The following LAMA1 variants were observed in gnomAD, a reference collection of about 807,000 sequenced individuals.
LAMA1 encodes laminin subunit alpha 1.
Under a neutral mutation model 348.7 loss-of-function variants are expected in LAMA1, and 219 were observed. The observed-to-expected ratio is 0.63, with a 90% confidence interval of 0.56 to 0.70. LAMA1 has a LOEUF of 0.70. Ranked by LOEUF, LAMA1 falls within the 30% of genes least tolerant of loss-of-function variation. LAMA1 has a pLI of 0.00. For missense variants in LAMA1, 3,744 were observed against 3,888.0 expected (o/e 0.96, Z 0.99); for synonymous variants, 1,487 against 1,491.0 (o/e 1.00, Z 0.06).
In LAMA1 at chr18:6,985,568, C is replaced by T. The variant is rs746783330; in HGVS notation, c.5455G>A (p.Ala1819Thr). The stretch of plus-strand genomic sequence containing the variant: ...ACAGCATCTGTTTGTGCAGCAGCAG[C>T]ATCTATCAATCCTCTTCCTTGGACA... ...LIVQGRGLID[A>T]AAAQTDAVQD... is the part of the protein sequence containing the mutation. The change falls in exon 38 of 63, where the codon GCT (alanine) becomes ACT (threonine). Residue 1819 changes from alanine to threonine, a missense_variant. By Grantham distance (58) the Ala-to-Thr change is moderately conservative (BLOSUM62 0). Around this residue, in one of 3 missense-constraint regions of LAMA1, gnomAD observed 1,983 missense variants for 1,934.3 expected, o/e 1.03. Transcript: ENST00000389658. The T allele has an allele frequency of 6.2e-7, 1 of 1,614,150 alleles. No individual in the cohort carries two copies. The highest frequency in any genetic ancestry group is 1.1e-5 in the South Asian group (1 of 91,080).
chr18:7,117,588 G>A, intron 1 of LAMA1, 72 bp downstream of exon 1: 1 of 1,510,496 alleles, frequency 6.6e-7, no homozygotes, highest in Non-Finnish European at 9.0e-7. Flanking sequence ...CAACGCGACG[G>A]GCTTTGTCCG....
chr18:6,972,053 A>G (rs1166219704), intron 47 of LAMA1, 72 bp from the exon 48 acceptor site: 1 of 1,581,012 alleles, frequency 6.3e-7, no homozygotes, highest in African/African-American at 1.3e-5. Context: ...CCAAGTGCAC[A>G]AAACTTCTCT....
intron 3 of LAMA1, among the ~76,000 whole-genome samples, chr18:7,067,472 A>G (rs2058127288): frequency 2.0e-5 from 1 of 49,088 alleles, no homozygotes; most frequent in African/African-American, 1.2e-4. Flanking sequence ...TCCAAAGTGA[A>G]AAAAAAAAAA....
At chr18:7,041,321 A>G (rs950874967) in intron 9 of LAMA1, among the ~76,000 whole-genome samples, 6 of 152,186 alleles carry the variant, frequency 3.9e-5, no homozygotes, top group Middle Eastern at 3.2e-3. Flanking sequence ...TTTAAATGAT[A>G]TATTTTTTTA....
chr18:7,051,711 T>C (rs1352788355), intron 3 of LAMA1, among the ~76,000 whole-genome samples: 1 of 152,122 alleles, frequency 6.6e-6, no homozygotes, highest in African/African-American at 2.4e-5. Context: ...ACATCTAAAA[T>C]TGAGAAAAAA....
intron 19 of LAMA1, among the ~76,000 whole-genome samples, chr18:7,019,577 G>A (rs571539595): frequency 1.3e-4 from 19 of 151,714 alleles, no homozygotes; most frequent in African/African-American, 4.1e-4. Context: ...CTCTATTTTC[G>A]GTGTGAAATC....
At position 7,116,273 on chromosome 18, in the gene LAMA1, C is replaced by T. The variant is rs1161126157; in HGVS notation, c.61+1387G>A. On this transcript the variant is annotated intron_variant, in intron 1 of 62. Coordinates refer to ENST00000389658, the MANE Select transcript of LAMA1 (RefSeq NM_005559.4). The stretch of plus-strand genomic sequence containing the variant: ...TAAGCTGAGGCAAGCTGCTCTTTCT[C>T]TACCCTGTGGGAAACCGGGACTTGT... Among the ~76,000 whole-genome samples the T allele has an allele frequency of 6.6e-5, 10 of 152,228 alleles. No homozygotes were observed. The East Asian group carries it at 1.9e-3, about 29-fold the overall frequency.
In LAMA1 at chr18:7,002,244, C is replaced by T; in HGVS notation, c.4382+20G>A. 6.2e-7 allele frequency: 1 copy of T among 1,609,520 alleles called. No individual in the cohort carries two copies. The highest frequency in any genetic ancestry group is 8.5e-7 in the Non-Finnish European group (1 of 1,179,836). Reference sequence around the variant, plus strand: ...AGCCCTGGGCAGCCCAGCATGCCAGCTGCCCCTGTGGGGACTCACCTGGCA... The same window carrying T: ...AGCCCTGGGCAGCCCAGCATGCCAGTTGCCCCTGTGGGGACTCACCTGGCA... On this transcript the variant is annotated intron_variant, in intron 30 of 62. Coordinates refer to ENST00000389658, the MANE Select transcript of LAMA1 (RefSeq NM_005559.4).
At position 7,007,198 on chromosome 18, in the gene LAMA1, C is replaced by G; in HGVS notation, c.4201G>C (p.Val1401Leu). 1 of 1,614,136 alleles carries G rather than the reference C, an allele frequency of 6.2e-7. No homozygotes were observed. The highest frequency in any genetic ancestry group is 1.1e-5 in the South Asian group (1 of 91,084). The part of the protein sequence containing the change: ...RGPRPLVAPC[V>L]PCSCNNHSDT... ...CTGTGGTTGTTGCAACTGCAGGGAACACAAGGAGCAACCAGAGGGCGTGGT... is the reference window on the plus strand; with the variant it reads ...CTGTGGTTGTTGCAACTGCAGGGAAGACAAGGAGCAACCAGAGGGCGTGGT... The change falls in exon 29 of 63, where the codon GTT (valine) becomes CTT (leucine). Residue 1401 changes from valine (V) to leucine (L), a missense_variant. By Grantham distance (32) the Val-to-Leu change is conservative (BLOSUM62 1). Around this residue, in one of 3 missense-constraint regions of LAMA1, gnomAD observed 1,983 missense variants for 1,934.3 expected, o/e 1.03. Coordinates refer to ENST00000389658, the MANE Select transcript of LAMA1 (RefSeq NM_005559.4).
rs748755698 is a variant in LAMA1, at chr18:6,985,397, A to C, written c.5500T>G (p.Leu1834Val). The change falls in exon 39 of 63, where the codon TTA (leucine) becomes GTA (valine). Residue 1834 changes from leucine to valine, a missense_variant. By Grantham distance (32) the Leu-to-Val change is conservative. Around this residue, in one of 3 missense-constraint regions of LAMA1, gnomAD observed 1,983 missense variants for 1,934.3 expected, o/e 1.03. Transcript: ENST00000389658. ...TDAVQDALEHLEDHQDKLLLW... is the reference protein window; with the variant it reads ...TDAVQDALEHVEDHQDKLLLW... Reference sequence around the variant, plus strand: ...AGTAGCTTATCCTGGTGATCCTCTAAGTGCTACATGGAGAAATTAATATTG... The same window carrying C: ...AGTAGCTTATCCTGGTGATCCTCTACGTGCTACATGGAGAAATTAATATTG... 1 of 1,614,204 alleles carries C rather than the reference A, an allele frequency of 6.2e-7. No individual in the cohort carries two copies. Among genetic ancestry groups the C allele is most frequent in the South Asian group, 1.1e-5 (1 of 91,072 alleles).
chr18:7,112,178 A>G (rs1190770623), intron 1 of LAMA1, among the ~76,000 whole-genome samples: 1 of 152,190 alleles, frequency 6.6e-6, no homozygotes, highest in East Asian at 1.9e-4. Flanking sequence ...TTAAACCCCA[A>G]AAGATCTAGG....
chr18:7,034,566 T>A lies in LAMA1; in HGVS notation c.1964A>T (p.Asp655Val), dbSNP rs1295962747. The A allele has an allele frequency of 6.2e-7, 1 of 1,614,162 alleles. No individual in the cohort carries two copies. ...FQDFHSKRQI[D>V]RDQLMTVLAN... ...AAGGACAGTCATCAGCTGGTCACGA[T>A]CAATCTGCCTTTTGCTGTGAAAATC... The change falls in exon 14 of 63, where the codon GAT becomes GTT. Residue 655 changes from aspartate to valine, a missense_variant. Physicochemically the swap from Asp to Val is radical, Grantham distance 152. Coordinates refer to ENST00000389658, the MANE Select transcript of LAMA1 (RefSeq NM_005559.4).
intron 1 of LAMA1, among the ~76,000 whole-genome samples, chr18:7,112,194 C>T (rs1166469147): frequency 6.6e-6 from 1 of 152,180 alleles, no homozygotes; most frequent in African/African-American, 2.4e-5. Context: ...CTAGGAAACA[C>T]TGCTCTAACA....
In LAMA1 at chr18:7,012,006, C is replaced by T. The variant is rs545607128; in HGVS notation, c.3496G>A (p.Val1166Met). ...TGTGTGTGACTTACTGGGGTCCTCA[C>T]GTAGTCCTCCAGCTCTGAGCAGAGG... ...SHLCSELEDY[V>M]RTPVTLGSDQ... Residue 1166 changes from valine to methionine, a missense_variant, in exon 24 of 63, where the codon GTG becomes ATG. This residue lies in a region of LAMA1 where 1,529 missense variants were observed against 1,689.4 expected (regional missense o/e 0.91). Transcript: ENST00000389658. 1.4e-5 allele frequency: 22 copies of T among 1,606,534 alleles called. No homozygotes were observed. The highest frequency in any genetic ancestry group is 6.8e-5 in the Admixed American group (4 of 58,974).
At chr18:7,097,298 A>G (rs571995267) in intron 1 of LAMA1, among the ~76,000 whole-genome samples, 2 of 152,262 alleles carry the variant, frequency 1.3e-5, no homozygotes, top group Admixed American at 1.3e-4. Flanking sequence ...AAAAAGAATG[A>G]AAGAAATTCA....
Position 6,965,275 on chromosome 18 carries a change from T to C in LAMA1, c.7195+13A>G, listed in dbSNP as rs1363496008. On this transcript the variant is annotated intron_variant, in intron 50 of 62. Transcript: ENST00000389658. ...GGGTGACCGACATCTGGTGAGTCCA[T>C]CTGTGTCCCTACCTTGCTTCCGGTT... The C allele has an allele frequency of 1.2e-6, 2 of 1,614,178 alleles. No individual in the cohort carries two copies. The highest frequency in any genetic ancestry group is 1.3e-5 in the African/African-American group (1 of 75,058).
intron 19 of LAMA1, among the ~76,000 whole-genome samples, chr18:7,019,518 ATT>A (rs2057905637): frequency 6.6e-6 from 1 of 152,062 alleles, no homozygotes; most frequent in Admixed American, 6.6e-5. Context: ...CACATTCAGT[ATT>A]TCTTTGTACT....
chr18:6,955,387 T>C lies in LAMA1; in HGVS notation c.8173A>G (p.Ile2725Val), dbSNP rs1600346039. The change falls in exon 57 of 63, where the codon ATC becomes GTC. Residue 2725 changes from isoleucine to valine, a missense_variant. Ile to Val is a conservative substitution (Grantham distance 29). Coordinates refer to ENST00000389658, the MANE Select transcript of LAMA1 (RefSeq NM_005559.4). Reference sequence around the variant, plus strand: ...ACAGCCGACTGATTAAAAGGCAAGATGAAATGGCTGTTTTGTGTGAGACCA... The same window carrying C: ...ACAGCCGACTGATTAAAAGGCAAGACGAAATGGCTGTTTTGTGTGAGACCA... The part of the protein sequence containing the change: ...QFGLTQNSHF[I>V]LPFNQSAVRK... 1 of 1,613,986 alleles carries C rather than the reference T, an allele frequency of 6.2e-7. No individual in the cohort carries two copies. The highest frequency in any genetic ancestry group is 1.3e-5 in the African/African-American group (1 of 74,900).
In LAMA1 at chr18:7,117,562, C is replaced by T. The variant is rs553015438; in HGVS notation, c.61+98G>A. On this transcript the variant is annotated intron_variant, in intron 1 of 62. Coordinates refer to ENST00000389658, the MANE Select transcript of LAMA1 (RefSeq NM_005559.4). ...TCCGAGGTGGATCAGGATGCGCGCC[C>T]GGACTCCAGCAGCCCCAACGCGACG... is the stretch of plus-strand genomic sequence containing the variant. 17 of 1,302,516 alleles carry T rather than the reference C, an allele frequency of 1.3e-5. No individual in the cohort carries two copies. The Admixed American group carries it at 2.9e-4, about 22-fold the overall frequency. 80.7% of individuals were successfully genotyped at this position (1,302,516 alleles called of 1,614,324 possible). A position where few individuals can be genotyped will look rare whatever the true frequency, so the allele number is the denominator to read the frequency against.
Sources: gnomAD v4.1 joint callset for allele counts (sites outside exome capture counted in the v4.1 genomes callset) on GRCh38, gnomAD v4.1.1 for gene constraint, gnomAD v4.1.1 regional missense constraint, MANE v1.5 for transcripts, NCBI Gene and HGNC (gene_info 2026-07-23, HGNC 2026-07-21) for gene names.